Variants in RASGRF1 observed in about 807,000 individuals in gnomAD.
RASGRF1 encodes the protein ras-specific guanine nucleotide-releasing factor 1.
RASGRF1 carries 40 observed loss-of-function variants against 138.7 expected under a neutral mutation model. The ratio of observed to expected loss-of-function variants is 0.29; its 90% CI spans 0.22 to 0.38. The LOEUF (loss-of-function observed/expected upper bound fraction) is 0.38. Among genes scored for constraint, RASGRF1 ranks in the 10% least tolerant of loss-of-function variants. The probability of loss-of-function intolerance (pLI) is 1.00; values close to 1 mark genes in which losing one functional copy is unlikely to be tolerated. For missense variants in RASGRF1, 1,108 were observed against 1,650.4 expected, an observed-to-expected ratio of 0.67 and a Z score of 5.69; for synonymous variants, 614 against 663.2, an observed-to-expected ratio of 0.93 and a Z score of 1.14.
chr15:79,085,078 G>T (rs2057962566), intron 1 of RASGRF1, among the ~76,000 whole-genome samples: 1 of 152,206 alleles, frequency 6.6e-6, no homozygotes, highest in South Asian at 2.1e-4. Flanking sequence ...TTCCAGTGGG[G>T]AGAAGGATGG....
rs754035565 is a variant in RASGRF1, at chr15:78,999,888, A to G, written c.2601T>C (p.Asn867=). The G allele has an allele frequency of 3.7e-6, 6 of 1,614,014 alleles. No homozygotes were observed. The Admixed American group carries it at 5.0e-5, about 13-fold the overall frequency. Reference sequence around the variant, plus strand: ...CACGACAGGAGGTCATGACGACTCCATTGTTATAGGAAAAGAGTGGGAACT... The same window carrying G: ...CACGACAGGAGGTCATGACGACTCCGTTGTTATAGGAAAAGAGTGGGAACT... ...SSEFPLFSYN[N]GVVMTSCREL... Residue 867 remains asparagine (N), a synonymous_variant, in exon 17 of 27, where the codon AAT becomes AAC. Transcript: ENST00000558480.
At position 79,046,117 on chromosome 15, in the gene RASGRF1, G is replaced by A. The variant is rs2057351224; in HGVS notation, c.878+629C>T. On this transcript the variant is annotated intron_variant, in intron 5 of 26. Coordinates refer to ENST00000558480, the MANE Select transcript of RASGRF1 (RefSeq NM_001145648.3). This position sits in a 1 kb window ranked among gnomAD's most constrained non-coding sequence, Gnocchi z 5.3. ...AACCACAAGCCCCATATTAATGCCA[G>A]GGTCACCATCTGGGAGAAGTGACTT... 6.6e-6 allele frequency among the ~76,000 whole-genome samples: 1 copy of A among 152,168 alleles called. No homozygotes were observed. The highest frequency in any genetic ancestry group is 2.4e-5 in the African/African-American group (1 of 41,450).
chr15:78,987,663 T>C (rs949130366), intron 22 of RASGRF1, among the ~76,000 whole-genome samples: 5 of 151,958 alleles, frequency 3.3e-5, no homozygotes, highest in African/African-American at 1.2e-4. Flanking sequence ...ACTACTGCAC[T>C]CCAGCCTGGG....
intron 5 of RASGRF1, among the ~76,000 whole-genome samples, chr15:79,038,075 G>A (rs1474851461): frequency 1.3e-5 from 2 of 152,126 alleles, no homozygotes; most frequent in Non-Finnish European, 2.9e-5. Flanking sequence ...ATCTTTGCTT[G>A]CTCATCCACT....
intron 18 of RASGRF1, chr15:78,998,411 A>G: frequency 3.2e-6 from 2 of 625,490 alleles, no homozygotes. Context: ...CACTGGAACC[A>G]GATCAAAGCC....
At chr15:78,982,069 T>C (rs2056046151) in intron 23 of RASGRF1, among the ~76,000 whole-genome samples, 1 of 152,304 alleles carries the variant, frequency 6.6e-6, no homozygotes, top group South Asian at 2.1e-4. Flanking sequence ...CACCTATCCC[T>C]GGCATGCCGA....
chr15:79,027,668 C>T lies in RASGRF1; in HGVS notation c.1381+73G>A. The stretch of plus-strand genomic sequence containing the variant: ...GCAGCCAAACCAACTGGTGGCGTCC[C>T]CGAGTGCCGCCTCCCTCCCGCTGCT... On this transcript the variant is annotated intron_variant, in intron 9 of 26. Transcript: ENST00000558480. The surrounding 1 kb of genome is among the most constrained non-coding windows in gnomAD (Gnocchi z 4.8). 7.0e-7 allele frequency: 1 copy of T among 1,423,150 alleles called. No homozygotes were observed. Among genetic ancestry groups the T allele is most frequent in the South Asian group, 1.2e-5 (1 of 84,126 alleles). The allele number at this position is 1,423,150 out of a possible 1,614,324, so 88.2% of individuals were successfully genotyped here.
intron 20 of RASGRF1, among the ~76,000 whole-genome samples, chr15:78,994,279 G>C (rs1017645215): frequency 6.6e-5 from 10 of 152,252 alleles, no homozygotes; most frequent in African/African-American, 2.4e-4. Context: ...TGGGTTCCTG[G>C]GGGCCCAGCC....
intron 3 of RASGRF1, among the ~76,000 whole-genome samples, chr15:79,055,150 C>T (rs942249359): frequency 2.0e-5 from 3 of 152,122 alleles, no homozygotes; most frequent in Admixed American, 1.3e-4. Flanking sequence ...CGCTTCCTCC[C>T]CATGGATCTT....
chr15:79,085,262 G>C (rs1397822133), intron 1 of RASGRF1, among the ~76,000 whole-genome samples: 1 of 152,204 alleles, frequency 6.6e-6, no homozygotes, highest in Non-Finnish European at 1.5e-5. Context: ...ATTTCAGGTG[G>C]AGGGAATGGC....
chr15:79,023,198 C>T (rs1361279677), intron 10 of RASGRF1, among the ~76,000 whole-genome samples: 1 of 151,144 alleles, frequency 6.6e-6, no homozygotes, highest in Non-Finnish European at 1.5e-5. Flanking sequence ...AAAGCACCTT[C>T]TGGCCCTTTC....
In RASGRF1 at chr15:79,006,397, G is replaced by A. The variant is rs1325490738; in HGVS notation, c.1864C>T (p.Arg622Cys). The A allele has an allele frequency of 1.9e-6, 3 of 1,613,848 alleles. No individual in the cohort carries two copies. Among genetic ancestry groups the A allele is most frequent in the East Asian group, 2.2e-5 (1 of 44,886 alleles). The change falls in exon 14 of 27, where the codon CGC (arginine) becomes TGC (cysteine). Residue 622 changes from arginine (R) to cysteine (C), a missense_variant. Transcript: ENST00000558480. This position sits in a 1 kb window ranked among gnomAD's most constrained non-coding sequence, Gnocchi z 4.0. ...ASLYCDDVDI[R>C]FSKTMNSCKV... ...CAGGAGTTCATGGTTTTGCTGAAGC[G>A]AATGTCAACATCATCACAATATAAG...
At chr15:78,990,892 G>A (rs559675405) in intron 21 of RASGRF1, among the ~76,000 whole-genome samples, 4 of 152,326 alleles carry the variant, frequency 2.6e-5, no homozygotes, top group African/African-American at 9.6e-5. Context: ...AGATGTGACA[G>A]GTTTCCAAAG....
chr15:78,975,183 C>T (rs7175590), intron 24 of RASGRF1, among the ~76,000 whole-genome samples: 42,151 of 151,984 alleles, frequency 0.28, 6,192 homozygotes, highest in African/African-American at 0.38. Flanking sequence ...TTGAGTCCAA[C>T]GGTTCAAGAC....
At chr15:79,047,355 G>T (rs2057369253) in intron 4 of RASGRF1, among the ~76,000 whole-genome samples, 1 of 152,192 alleles carries the variant, frequency 6.6e-6, no homozygotes, top group Non-Finnish European at 1.5e-5. Flanking sequence ...CCCCTGGGTT[G>T]CTTTGGAAGC....
intron 26 of RASGRF1, among the ~76,000 whole-genome samples, chr15:78,966,444 T>C (rs1301561498): frequency 6.6e-6 from 1 of 152,014 alleles, no homozygotes; most frequent in African/African-American, 2.4e-5. Flanking sequence ...TTTACTCTGT[T>C]GCCTAGGCTG....
intron 3 of RASGRF1, among the ~76,000 whole-genome samples, chr15:79,056,575 GCT>G (rs1264563097): frequency 6.6e-6 from 1 of 152,182 alleles, no homozygotes; most frequent in African/African-American, 2.4e-5. Context: ...AGTGACTTGG[GCT>G]CTCTGAGTCT....
intron 5 of RASGRF1, among the ~76,000 whole-genome samples, chr15:79,045,168 G>A (rs1206456121): frequency 6.6e-6 from 1 of 152,120 alleles, no homozygotes; most frequent in Non-Finnish European, 1.5e-5. Context: ...CTCCCATTTT[G>A]GTGCCATCTG....
In RASGRF1 at chr15:79,090,711, G is replaced by A; in HGVS notation, c.-213C>T. The A allele has an allele frequency of 1.5e-6, 1 of 650,788 alleles. No individual in the cohort carries two copies. Among genetic ancestry groups the A allele is most frequent in the Non-Finnish European group, 2.5e-6 (1 of 395,034 alleles). 40.3% of individuals were successfully genotyped at this position (650,788 alleles called of 1,614,324 possible). Reference sequence around the variant, plus strand: ...CATTCCCCGCTGGAACCTCTTCTCCGCTCCGCAGAGCCCCAGTACCCGGAA... The same window carrying A: ...CATTCCCCGCTGGAACCTCTTCTCCACTCCGCAGAGCCCCAGTACCCGGAA... On this transcript the variant is annotated 5_prime_UTR_variant, in exon 1 of 27. Coordinates refer to ENST00000558480, the MANE Select transcript of RASGRF1 (RefSeq NM_001145648.3).
Sources: allele counts gnomAD v4.1 joint callset (sites outside exome capture counted in the v4.1 genomes callset), GRCh38; gene constraint gnomAD v4.1.1; non-coding constraint Gnocchi (gnomAD v3.1); transcripts MANE v1.5; gene names NCBI Gene and HGNC (gene_info 2026-07-23, HGNC 2026-07-21).